BROX: variants seen among roughly 807,000 people sequenced by gnomAD.
The protein encoded by BROX is BRO1 domain and CAAX motif containing.
In BROX, 53 loss-of-function variants were observed where a neutral mutation model predicts 61.0. The ratio of observed to expected loss-of-function variants is 0.87; its 90% CI spans 0.70 to 1.09. The LOEUF (loss-of-function observed/expected upper bound fraction) is 1.09, where lower values mean the gene tolerates loss of function less well. Among genes scored for constraint, BROX ranks in the 50% least tolerant of loss-of-function variants. The pLI, the probability that BROX is intolerant of heterozygous loss-of-function variation, is 0.00. For missense variants in BROX, 489 were observed against 472.0 expected (o/e 1.04, Z -0.33); for synonymous variants, 152 against 160.2 (o/e 0.95, Z 0.38).
rs1002133453 is a variant in BROX at position 222,730,088 on chromosome 1, A to G, written c.900A>G (p.Thr300=). 5.6e-6 allele frequency: 9 copies of G among 1,613,608 alleles called. No homozygotes were observed. The highest frequency in any genetic ancestry group is 6.8e-6 in the Non-Finnish European group (8 of 1,179,716). ...EYGETKGPGP[T]VKPSGHLFFR... ...GAGAAACCAAAGGACCTGGACCAACAGTCAAACCTTCAGGACATCTGTTCT... is the reference window on the plus strand; with the variant it reads ...GAGAAACCAAAGGACCTGGACCAACGGTCAAACCTTCAGGACATCTGTTCT... Residue 300 remains threonine (T), a synonymous_variant, in exon 11 of 13, where the codon ACA becomes ACG. Coordinates refer to ENST00000340934, the MANE Select transcript of BROX (RefSeq NM_144695.4).
At chr1:222,724,507 GC>G (rs2125023354) in intron 6 of BROX, among the ~76,000 whole-genome samples, 1 of 152,296 alleles carries the variant, frequency 6.6e-6, no homozygotes, top group East Asian at 1.9e-4. Flanking sequence ...GTTACCAGGA[GC>G]AGTCCTGATT....
At chr1:222,716,832 T>C (rs1387808012) in intron 2 of BROX, among the ~76,000 whole-genome samples, 3 of 152,242 alleles carry the variant, frequency 2.0e-5, no homozygotes, top group Admixed American at 1.3e-4. Flanking sequence ...ACCTTTGTGC[T>C]AGTGATAGTG....
chr1:222,720,482 C>G (rs1022184183), intron 4 of BROX, among the ~76,000 whole-genome samples: 21 of 152,064 alleles, frequency 1.4e-4, no homozygotes, highest in African/African-American at 4.8e-4. Context: ...ATAAATTTGG[C>G]ATTTTTCCGA....
chr1:222,727,288 A>C, intron 8 of BROX, 31 bp downstream of exon 8: 2 of 1,485,480 alleles, frequency 1.3e-6, no homozygotes, highest in Non-Finnish European at 9.4e-7. Flanking sequence ...TTACATTTTT[A>C]GTCTTTAGAT....
chr1:222,712,893 A>T lies in BROX; in HGVS notation c.-66A>T. The T allele has an allele frequency of 1.6e-6, 2 of 1,238,600 alleles. No individual in the cohort carries two copies. The highest frequency in any genetic ancestry group is 2.7e-5 in the South Asian group (2 of 74,508). 76.7% of individuals were successfully genotyped at this position (1,238,600 alleles called of 1,614,324 possible). On this transcript the variant is annotated 5_prime_UTR_variant, in exon 1 of 13. Coordinates refer to ENST00000340934, the MANE Select transcript of BROX (RefSeq NM_144695.4). ...TTTTCTCGCTTGTGGACTCCGATAT[A>T]TTGCCCTTCTTCCCTTAGAAGAACT...
intron 2 of BROX, among the ~76,000 whole-genome samples, chr1:222,718,430 C>T (rs912928860): frequency 5.9e-5 from 9 of 151,954 alleles, no homozygotes; most frequent in Admixed American, 1.3e-4. Context: ...TATTTTTATG[C>T]AGTATATTTT....
chr1:222,715,713 T>A lies in BROX; in HGVS notation c.14T>A (p.Phe5Tyr). 6.6e-7 allele frequency: 1 copy of A among 1,523,122 alleles called. No individual in the cohort carries two copies. 94.4% of individuals were successfully genotyped at this position (1,523,122 alleles called of 1,614,324 possible). ...CATCTGGAGAAAATGACCCATTGGT[T>A]TCATAGGAACCCATTAAAAGCCACA... Reference protein sequence around the residue: MTHWFHRNPLKATAP... With the variant: MTHWYHRNPLKATAP... Residue 5 changes from phenylalanine (F) to tyrosine (Y), a missense_variant, in exon 2 of 13, where the codon TTT becomes TAT. Physicochemically the swap from Phe to Tyr is conservative, Grantham distance 22. Transcript: ENST00000340934.
chr1:222,719,261 A>T lies in BROX; in HGVS notation c.209-2A>T. 1.3e-6 allele frequency: 2 copies of T among 1,565,720 alleles called. No homozygotes were observed. The highest frequency in any genetic ancestry group is 1.8e-6 in the Non-Finnish European group (2 of 1,137,162). ...ACTAAAATGTCTTGTACTTTTCTAT[A>T]GGTTTCATAAATTCTTTGGATGAAT... On this transcript the variant is annotated splice_acceptor_variant, in intron 3 of 12. Coordinates refer to ENST00000340934, the MANE Select transcript of BROX (RefSeq NM_144695.4). LOFTEE classifies it high-confidence loss of function.
intron 5 of BROX, among the ~76,000 whole-genome samples, chr1:222,723,252 T>A (rs779131608): frequency 5.5e-4 from 84 of 152,238 alleles, no homozygotes; most frequent in Non-Finnish European, 5.7e-4. Flanking sequence ...TAATATTTTG[T>A]CTTGTTTATA....
chr1:222,718,719 T>C (rs941513029), intron 2 of BROX, among the ~76,000 whole-genome samples: 6 of 152,218 alleles, frequency 3.9e-5, no homozygotes, highest in Admixed American at 3.3e-4. Context: ...TCTCTAGATT[T>C]AGTCCTGATT....
chr1:222,713,243 C>T (rs1656202789), intron 1 of BROX: 3 of 986,220 alleles, frequency 3.0e-6, no homozygotes, highest in African/African-American at 3.5e-5. Context: ...GGCCACCTCT[C>T]CCGGGTTGAC....
intron 1 of BROX, chr1:222,713,236 C>T: frequency 2.0e-6 from 2 of 986,312 alleles, no homozygotes; most frequent in Non-Finnish European, 2.4e-6. Flanking sequence ...GTTGTCTGGC[C>T]ACCTCTCCCG....
At chr1:222,717,558 G>A (rs1656726171) in intron 2 of BROX, among the ~76,000 whole-genome samples, 1 of 152,158 alleles carries the variant, frequency 6.6e-6, no homozygotes, top group Non-Finnish European at 1.5e-5. Flanking sequence ...GCCTAGTCCA[G>A]GAATTGAATC....
At position 222,722,524 on chromosome 1, in the gene BROX, T is replaced by C; in HGVS notation, c.401+10T>C. 1 of 1,552,954 alleles carries C rather than the reference T, an allele frequency of 6.4e-7. No individual in the cohort carries two copies. Among genetic ancestry groups the C allele is most frequent in the Non-Finnish European group, 8.9e-7 (1 of 1,125,046 alleles). ...TGGCTGGAAAAGAAAAGTAAGTTAA[T>C]AGGAGAGGATTGTGTACATCTGTGT... On this transcript the variant is annotated intron_variant, in intron 5 of 12. Coordinates refer to ENST00000340934, the MANE Select transcript of BROX (RefSeq NM_144695.4).
In BROX at chr1:222,712,909, T is replaced by C; in HGVS notation, c.-50T>C. ...CTCCGATATATTGCCCTTCTTCCCT[T>C]AGAAGAACTGCTGAACCGACTCTGA... is the stretch of plus-strand genomic sequence containing the variant. On this transcript the variant is annotated 5_prime_UTR_variant, in exon 1 of 13. Transcript: ENST00000340934. 2 of 1,219,792 alleles carry C rather than the reference T, an allele frequency of 1.6e-6. No individual in the cohort carries two copies. The highest frequency in any genetic ancestry group is 2.1e-6 in the Non-Finnish European group (2 of 950,056). 75.6% of individuals were successfully genotyped at this position (1,219,792 alleles called of 1,614,324 possible).
intron 6 of BROX, 57 bp from the exon 7 acceptor site, chr1:222,725,393 T>A: frequency 4.1e-6 from 5 of 1,217,008 alleles, no homozygotes; most frequent in Non-Finnish European, 5.9e-6. Context: ...CTCTAACAAC[T>A]GGATTAAAAT....
At chr1:222,721,021 T>C (rs957212947) in intron 4 of BROX, among the ~76,000 whole-genome samples, 9 of 152,198 alleles carry the variant, frequency 5.9e-5, no homozygotes, top group African/African-American at 2.2e-4. Context: ...TCCATTATAG[T>C]TACTATGACT....
chr1:222,729,818 G>C, intron 10 of BROX, 117 bp downstream of exon 10: 1 of 1,112,694 alleles, frequency 9.0e-7, no homozygotes, highest in Non-Finnish European at 1.3e-6. Context: ...ATGGGAATGG[G>C]TGACATAATT....
chr1:222,718,950 C>T lies in BROX; in HGVS notation c.127C>T (p.Leu43Phe), dbSNP rs1265136885. Residue 43 changes from leucine (L) to phenylalanine (F), a missense_variant, in exon 3 of 13, where the codon CTC becomes TTC. Physicochemically the swap from Leu to Phe is conservative, Grantham distance 22. Coordinates refer to ENST00000340934, the MANE Select transcript of BROX (RefSeq NM_144695.4). ...CNDLRSSRAR[L>F]LELFTDLSCN... The stretch of plus-strand genomic sequence containing the variant: ...TGACTTGAGGTCATCCAGGGCACGA[C>T]TCCTTGAACTGTTCACTGATTTGAG... 3 of 1,613,670 alleles carry T rather than the reference C, an allele frequency of 1.9e-6. No individual in the cohort carries two copies. Among genetic ancestry groups the T allele is most frequent in the Non-Finnish European group, 2.5e-6 (3 of 1,179,828 alleles).
Sources: gnomAD v4.1 joint callset for allele counts (sites outside exome capture counted in the v4.1 genomes callset) on GRCh38, gnomAD v4.1.1 for gene constraint, MANE v1.5 for transcripts, NCBI Gene and HGNC (gene_info 2026-07-23, HGNC 2026-07-21) for gene names.